Variants in MCF2L2 observed in about 807,000 individuals in gnomAD.
MCF2L2 encodes the protein probable guanine nucleotide exchange factor MCF2L2.
Under a neutral mutation model 150.2 loss-of-function variants are expected in MCF2L2, and 102 were observed. That is an observed-to-expected ratio of 0.68 (90% CI 0.58 to 0.80). The LOEUF (loss-of-function observed/expected upper bound fraction) is 0.80, where lower values mean the gene tolerates loss of function less well. MCF2L2 is among the 30% of genes least tolerant of loss of function. The probability of loss-of-function intolerance (pLI) is 0.00; values close to 1 mark genes in which losing one functional copy is unlikely to be tolerated. For missense variants in MCF2L2, 1,256 were observed against 1,372.8 expected (o/e 0.91, Z 1.34); for synonymous variants, 465 against 491.3 (o/e 0.95, Z 0.71).
At chr3:183,328,261 A>G (rs932236777) in intron 5 of MCF2L2, among the ~76,000 whole-genome samples, 2 of 152,184 alleles carry the variant, frequency 1.3e-5, no homozygotes, top group African/African-American at 4.8e-5. Flanking sequence ...ACCAGTAAAC[A>G]TAAGTAAAGT....
chr3:183,212,405 A>G (rs1422374459), intron 22 of MCF2L2, among the ~76,000 whole-genome samples: 1 of 152,216 alleles, frequency 6.6e-6, no homozygotes, highest in Non-Finnish European at 1.5e-5. Context: ...TCAGAGATGG[A>G]ACATAGCGGC....
intron 24 of MCF2L2, 32 bp downstream of exon 24, chr3:183,206,090 G>C: frequency 6.3e-7 from 1 of 1,591,620 alleles, no homozygotes; most frequent in Non-Finnish European, 8.6e-7. Context: ...GGAAAGAGTA[G>C]AGGAGACCCA....
In MCF2L2 at chr3:183,193,016, C is replaced by T. The variant is rs376483334; in HGVS notation, c.2999G>A (p.Ser1000Asn). 90 of 1,613,972 alleles carry T rather than the reference C, an allele frequency of 5.6e-5. No homozygotes were observed. The highest frequency in any genetic ancestry group is 7.5e-5 in the Non-Finnish European group (88 of 1,179,950). The change falls in exon 27 of 30, where the codon AGC becomes AAC. Residue 1000 changes from serine (S) to asparagine (N), a missense_variant. By Grantham distance (46) the Ser-to-Asn change is conservative (BLOSUM62 1). Coordinates refer to ENST00000328913, the MANE Select transcript of MCF2L2 (RefSeq NM_015078.4). ...CTCCCTACCTTTAATCCCTCCTGTG[C>T]TGGAGGCCGGGTCTTCCTTGCTAGT... ...ATTSKEDPASSTGGIKGCSSR... is the reference protein window; with the variant it reads ...ATTSKEDPASNTGGIKGCSSR...
intron 15 of MCF2L2, among the ~76,000 whole-genome samples, chr3:183,275,727 C>T (rs1213165685): frequency 2.0e-5 from 3 of 152,208 alleles, no homozygotes; most frequent in South Asian, 2.1e-4. Context: ...AATCTTCTCA[C>T]CTCAGTCTCC....
intron 13 of MCF2L2, among the ~76,000 whole-genome samples, chr3:183,292,529 C>G (rs1312467983): frequency 6.6e-6 from 1 of 150,760 alleles, no homozygotes; most frequent in Non-Finnish European, 1.5e-5. Context: ...AATGAAGAAC[C>G]CCAGAAATGG....
At chr3:183,219,512 G>A (rs924183249) in intron 21 of MCF2L2, among the ~76,000 whole-genome samples, 6 of 152,018 alleles carry the variant, frequency 3.9e-5, no homozygotes, top group African/African-American at 1.2e-4. Flanking sequence ...TTGGGAGGCT[G>A]AGGCAGGAGA....
chr3:183,393,084 C>T (rs896972236), intron 1 of MCF2L2, among the ~76,000 whole-genome samples: 1 of 152,164 alleles, frequency 6.6e-6, no homozygotes, highest in African/African-American at 2.4e-5. Flanking sequence ...CATGACCCAC[C>T]AAGGCGCTGG....
chr3:183,221,853 C>T (rs1019995039), intron 20 of MCF2L2, among the ~76,000 whole-genome samples: 2 of 152,104 alleles, frequency 1.3e-5, no homozygotes, highest in African/African-American at 4.8e-5. Flanking sequence ...CCAAGCCCTC[C>T]GCATGTGCTA....
chr3:183,313,702 G>A (rs944981449), intron 7 of MCF2L2, among the ~76,000 whole-genome samples: 10 of 152,208 alleles, frequency 6.6e-5, no homozygotes. Context: ...CCCGCACTCA[G>A]GCTGGAGGAG....
chr3:183,371,561 G>C (rs1261897300), intron 3 of MCF2L2, among the ~76,000 whole-genome samples: 2 of 149,706 alleles, frequency 1.3e-5, no homozygotes, highest in African/African-American at 2.5e-5. Context: ...TCCGCCTCCT[G>C]GGTCCAAGCA....
chr3:183,196,025 T>C (rs1375389593), intron 25 of MCF2L2, among the ~76,000 whole-genome samples: 1 of 152,074 alleles, frequency 6.6e-6, no homozygotes, highest in Non-Finnish European at 1.5e-5. Context: ...GGCTGGGGCC[T>C]GATCTTTCCC....
chr3:183,264,563 T>C lies in MCF2L2; in HGVS notation c.1862+12309A>G, dbSNP rs141419588. On this transcript the variant is annotated intron_variant, in intron 15 of 29. Transcript: ENST00000328913. ...TAAGAACCCGCAGAGTAAATACTCA[T>C]ATACTTGTAGGATTAATTGAAACAA... 3.3e-3 allele frequency among the ~76,000 whole-genome samples: 510 copies of C among 152,370 alleles called. 3 individuals are homozygous for C. Among genetic ancestry groups the C allele is most frequent in the Non-Finnish European group, 5.3e-3 (358 of 68,030 alleles).
intron 1 of MCF2L2, among the ~76,000 whole-genome samples, chr3:183,415,955 G>T (rs1715565873): frequency 6.6e-6 from 1 of 151,616 alleles, no homozygotes; most frequent in Non-Finnish European, 1.5e-5. Context: ...TTCATTTACT[G>T]CTTTCTTTTA....
At chr3:183,210,385 T>C (rs1489649809) in intron 22 of MCF2L2, among the ~76,000 whole-genome samples, 1 of 152,140 alleles carries the variant, frequency 6.6e-6, no homozygotes, top group African/African-American at 2.4e-5. Flanking sequence ...CTAATAGCAA[T>C]ACAGAGGGAA....
At chr3:183,385,704 G>A (rs190860301) in intron 2 of MCF2L2, among the ~76,000 whole-genome samples, 63 of 152,326 alleles carry the variant, frequency 4.1e-4, no homozygotes, top group Admixed American at 1.4e-3. Flanking sequence ...GGCAAACGTT[G>A]ATTGATGGCT....
At chr3:183,286,553 CCTAT>C (rs1727807935) in intron 14 of MCF2L2, among the ~76,000 whole-genome samples, 1 of 152,074 alleles carries the variant, frequency 6.6e-6, no homozygotes, top group Admixed American at 6.5e-5. Flanking sequence ...TTTTTTTGAA[CCTAT>C]CTTTTTCTTA....
At chr3:183,308,818 C>T (rs1049606372) in intron 10 of MCF2L2, among the ~76,000 whole-genome samples, 2 of 152,228 alleles carry the variant, frequency 1.3e-5, no homozygotes, top group Non-Finnish European at 2.9e-5. Flanking sequence ...CAGGTGACAT[C>T]TGTGCTGCTG....
chr3:183,219,752 T>C, intron 21 of MCF2L2, 104 bp downstream of exon 21: 1 of 738,192 alleles, frequency 1.4e-6, no homozygotes, highest in Non-Finnish European at 2.3e-6. Context: ...TTAGAAAATC[T>C]AGATAATAAA....
intron 15 of MCF2L2, among the ~76,000 whole-genome samples, chr3:183,261,798 T>C (rs1725609854): frequency 6.6e-6 from 1 of 151,870 alleles, no homozygotes; most frequent in Non-Finnish European, 1.5e-5. Flanking sequence ...CCTTCTTATA[T>C]AGAATTTCTG....
Sources: gnomAD v4.1 joint callset for allele counts (sites outside exome capture counted in the v4.1 genomes callset) on GRCh38, gnomAD v4.1.1 for gene constraint, MANE v1.5 for transcripts, NCBI Gene and HGNC (gene_info 2026-07-23, HGNC 2026-07-21) for gene names.